The following ADGRB3 variants were observed in gnomAD, a reference collection of about 807,000 sequenced individuals.
ADGRB3 encodes adhesion G protein-coupled receptor B3.
Under a neutral mutation model 193.4 loss-of-function variants are expected in ADGRB3, and 37 were observed. That is an observed-to-expected ratio of 0.19 (90% confidence interval 0.15 to 0.25). The LOEUF (loss-of-function observed/expected upper bound fraction) is 0.25. ADGRB3 is among the 10% of genes least tolerant of loss of function. The pLI is 1.00. For missense variants in ADGRB3, 1,637 were observed against 1,852.9 expected, an observed-to-expected ratio of 0.88 and a Z score of 2.14; for synonymous variants, 690 against 644.2, an observed-to-expected ratio of 1.07 and a Z score of -1.08.
rs577521356 is a variant in ADGRB3, at chr6:69,169,099, C to T, written c.2481-64191C>T. Among the ~76,000 whole-genome samples, 93 of 151,970 alleles carry T rather than the reference C, an allele frequency of 6.1e-4. 1 individual carries two copies. Among genetic ancestry groups the T allele is most frequent in the African/African-American group, 2.2e-3 (91 of 41,472 alleles). ...TTTATGTAGGAAAAAAAGATAGTTC[C>T]TCTATAGCCATGCTGCCTGGGAAAC... is the stretch of plus-strand genomic sequence containing the variant. On this transcript the variant is annotated intron_variant, in intron 17 of 31. Transcript: ENST00000370598.
chr6:69,235,181 A>G, intron 19 of ADGRB3, 46 bp downstream of exon 19: 1 of 1,365,164 alleles, frequency 7.3e-7, no homozygotes, highest in Non-Finnish European at 1.0e-6. Context: ...TTAGTTGTTC[A>G]TAGTTAAATC....
At chr6:68,709,041 T>C (rs896657217) in intron 3 of ADGRB3, among the ~76,000 whole-genome samples, 8 of 152,200 alleles carry the variant, frequency 5.3e-5, no homozygotes, top group African/African-American at 1.9e-4. Context: ...TGCGGGTTGT[T>C]CTACTTTAAA....
At chr6:69,340,247 T>G (rs963925773) in intron 26 of ADGRB3, among the ~76,000 whole-genome samples, 8 of 152,162 alleles carry the variant, frequency 5.3e-5, no homozygotes, top group Non-Finnish European at 1.2e-4. Flanking sequence ...TCCAGGACAG[T>G]GAGAGATTTC....
intron 17 of ADGRB3, among the ~76,000 whole-genome samples, chr6:69,134,822 A>C (rs1774107431): frequency 6.6e-6 from 1 of 152,012 alleles, no homozygotes; most frequent in Admixed American, 6.6e-5. Context: ...TACATGAATA[A>C]AGGGAAATAT....
At chr6:68,665,598 C>A (rs1768780782) in intron 3 of ADGRB3, among the ~76,000 whole-genome samples, 1 of 151,660 alleles carries the variant, frequency 6.6e-6, no homozygotes, top group Admixed American at 6.6e-5. Flanking sequence ...AGACAAGTAC[C>A]ACATACCATG....
intron 17 of ADGRB3, among the ~76,000 whole-genome samples, chr6:69,205,215 A>G (rs1765510764): frequency 6.6e-6 from 1 of 152,144 alleles, no homozygotes; most frequent in Non-Finnish European, 1.5e-5. Flanking sequence ...AGGACATTTT[A>G]TTTAACTCAA....
At position 69,031,086 on chromosome 6, in the gene ADGRB3, C is replaced by A. The variant is rs1157229108; in HGVS notation, c.2107+12587C>A. 2.7e-3 allele frequency among the ~76,000 whole-genome samples: 193 copies of A among 72,394 alleles called. 6 individuals are homozygous for A. Among genetic ancestry groups the A allele is most frequent in the Non-Finnish European group, 4.6e-3 (150 of 32,498 alleles). The allele number at this position is 72,394 out of a possible 152,430, so 47.5% of individuals were successfully genotyped here. The stretch of plus-strand genomic sequence containing the variant: ...CTTCTCTTCTCTTCTCTTCTCTTCT[C>A]TTCTCTTCTCTTCTCTTCTCTTCTC... On this transcript the variant is annotated intron_variant, in intron 13 of 31. Transcript: ENST00000370598.
At chr6:68,752,950 A>C (rs1180395471) in intron 3 of ADGRB3, among the ~76,000 whole-genome samples, 1 of 152,164 alleles carries the variant, frequency 6.6e-6, no homozygotes, top group Non-Finnish European at 1.5e-5. Flanking sequence ...GAGATGGCTG[A>C]GGGAAAGTGA....
chr6:68,889,507 AT>A (rs10535990), intron 3 of ADGRB3, among the ~76,000 whole-genome samples: 6,631 of 141,924 alleles, frequency 0.047, 158 homozygotes, highest in Middle Eastern at 0.1. Context: ...TTTCTCTTTT[AT>A]TTTTTTTTTT....
chr6:68,740,867 T>G (rs118054480), intron 3 of ADGRB3, among the ~76,000 whole-genome samples: 2,001 of 152,322 alleles, frequency 0.013, 19 homozygotes, highest in Non-Finnish European at 0.02. Flanking sequence ...AAAGTGAGTT[T>G]GTTTGAACTG....
intron 3 of ADGRB3, among the ~76,000 whole-genome samples, chr6:68,655,896 C>T (rs1768479803): frequency 6.6e-6 from 1 of 151,512 alleles, no homozygotes; most frequent in African/African-American, 2.4e-5. Flanking sequence ...ATGGATGTTC[C>T]TTTGGACTAG....
intron 20 of ADGRB3, among the ~76,000 whole-genome samples, chr6:69,253,478 A>C (rs1766672092): frequency 1.3e-5 from 2 of 152,078 alleles, no homozygotes; most frequent in South Asian, 4.1e-4. Context: ...CTGAAATAAG[A>C]TCATTAGGAT....
chr6:68,722,403 A>G (rs947806219), intron 3 of ADGRB3, among the ~76,000 whole-genome samples: 2 of 151,794 alleles, frequency 1.3e-5, no homozygotes, highest in Non-Finnish European at 3.0e-5. Context: ...GGTGCAGCAA[A>G]CTACCATGGC....
At chr6:68,769,981 G>A (rs913193813) in intron 3 of ADGRB3, among the ~76,000 whole-genome samples, 1 of 151,984 alleles carries the variant, frequency 6.6e-6, no homozygotes, top group African/African-American at 2.4e-5. Flanking sequence ...ACATGGCATG[G>A]CATATTGTTA....
At chr6:68,702,767 C>T (rs1333600047) in intron 3 of ADGRB3, among the ~76,000 whole-genome samples, 1 of 152,106 alleles carries the variant, frequency 6.6e-6, no homozygotes, top group Non-Finnish European at 1.5e-5. Flanking sequence ...CAATAAAAAT[C>T]TTACGGTAAT....
At chr6:69,060,881 T>A (rs902388645) in intron 15 of ADGRB3, among the ~76,000 whole-genome samples, 2 of 152,078 alleles carry the variant, frequency 1.3e-5, no homozygotes, top group African/African-American at 2.4e-5. Context: ...CCAGCTGTGC[T>A]AATATGATCA....
rs770403057 is a variant in ADGRB3, at chr6:68,975,257, C to T, written c.1651C>T (p.Leu551Phe). The T allele has an allele frequency of 6.2e-7, 1 of 1,614,008 alleles. No individual in the cohort carries two copies. Among genetic ancestry groups the T allele is most frequent in the East Asian group, 2.2e-5 (1 of 44,856 alleles). Residue 551 changes from leucine (L) to phenylalanine (F), a missense_variant, in exon 10 of 32, where the codon CTC (leucine) becomes TTC (phenylalanine). This residue lies in a region of ADGRB3 where 641 missense variants were observed against 673.9 expected (regional missense o/e 0.95). Coordinates refer to ENST00000370598, the MANE Select transcript of ADGRB3 (RefSeq NM_001704.3). ...ATGTTSRRCS[L>F]SLHGVAFWEQ... is the part of the protein sequence containing the mutation. ...AGGCACCACTAGCAGACGCTGCTCT[C>T]TCAGTCTTCATGGAGTGGCCTTCTG...
intron 17 of ADGRB3, among the ~76,000 whole-genome samples, chr6:69,186,821 C>T (rs571853455): frequency 5.9e-4 from 89 of 151,474 alleles, no homozygotes; most frequent in Non-Finnish European, 1.0e-3. Flanking sequence ...TGTGTGTGTG[C>T]GCATACATTT....
chr6:69,083,093 G>A (rs897731307), intron 17 of ADGRB3, among the ~76,000 whole-genome samples: 3 of 152,070 alleles, frequency 2.0e-5, no homozygotes, highest in African/African-American at 7.2e-5. Flanking sequence ...AAATGGGAAA[G>A]TTGATCTGAA....
Sources: gnomAD v4.1 joint callset for allele counts (sites outside exome capture counted in the v4.1 genomes callset) on GRCh38, gnomAD v4.1.1 for gene constraint, gnomAD v4.1.1 regional missense constraint, MANE v1.5 for transcripts, NCBI Gene and HGNC (gene_info 2026-07-23, HGNC 2026-07-21) for gene names.